SDK1: variants seen among roughly 807,000 people sequenced by gnomAD.
SDK1 encodes the protein protein sidekick-1.
SDK1 carries 157 observed loss-of-function variants against 245.5 expected under a neutral mutation model. The observed-to-expected ratio is 0.64, with a 90% CI of 0.56 to 0.73. SDK1 has a LOEUF of 0.73. Ranked by LOEUF, SDK1 falls within the 30% of genes least tolerant of loss-of-function variation. SDK1 has a pLI of 0.00. For synonymous variants in SDK1, 1,647 were observed against 1,278.5 expected (o/e 1.29, Z -6.15); for missense variants, 3,583 against 3,002.3 (o/e 1.19, Z -4.52).
chr7:4,135,308 G>A (rs1337431722), intron 28 of SDK1, among the ~76,000 whole-genome samples: 1 of 152,174 alleles, frequency 6.6e-6, no homozygotes. Flanking sequence ...TGCCAGGAGC[G>A]GGAGTTTGTG....
chr7:4,164,184 A>G (rs1447763328), intron 32 of SDK1, among the ~76,000 whole-genome samples: 1 of 152,234 alleles, frequency 6.6e-6, no homozygotes, highest in Admixed American at 6.5e-5. Context: ...GGGAACCACG[A>G]AAACAGCCTG....
chr7:3,972,997 G>A lies in SDK1; in HGVS notation c.1818-1372G>A, dbSNP rs114443008. On this transcript the variant is annotated intron_variant, in intron 12 of 44. Coordinates refer to ENST00000404826, the MANE Select transcript of SDK1 (RefSeq NM_152744.4). The stretch of plus-strand genomic sequence containing the variant: ...TAAATGATTTGGAGTATGACTTCAA[G>A]GAAGTCTGCTTTTCTGCTACTCTGA... Among the ~76,000 whole-genome samples, 574 of 152,310 alleles carry A rather than the reference G, an allele frequency of 3.8e-3. 2 individuals carry two copies. The highest frequency in any genetic ancestry group is 0.013 in the African/African-American group (547 of 41,580).
chr7:4,186,968 G>A (rs887253005), intron 35 of SDK1, among the ~76,000 whole-genome samples: 2 of 152,170 alleles, frequency 1.3e-5, no homozygotes, highest in African/African-American at 4.8e-5. Flanking sequence ...TCCTTCTGGG[G>A]GCTGCAAGTA....
At chr7:3,650,392 C>G (rs910738515) in intron 4 of SDK1, among the ~76,000 whole-genome samples, 2 of 152,208 alleles carry the variant, frequency 1.3e-5, no homozygotes, top group Non-Finnish European at 2.9e-5. Context: ...AACCACTGTT[C>G]TGCTTTCTGT....
At chr7:4,022,678 C>G (rs574386354) in intron 17 of SDK1, among the ~76,000 whole-genome samples, 113 of 152,176 alleles carry the variant, frequency 7.4e-4, no homozygotes, top group South Asian at 2.3e-3. Context: ...TTCCAGGCAA[C>G]TCCTTAAGGA....
chr7:4,111,799 T>C (rs915913896), intron 23 of SDK1, among the ~76,000 whole-genome samples: 2 of 152,258 alleles, frequency 1.3e-5, no homozygotes, highest in Non-Finnish European at 2.9e-5. Flanking sequence ...TATATGTGCA[T>C]ACTTGGGATA....
intron 5 of SDK1, among the ~76,000 whole-genome samples, chr7:3,860,678 G>T (rs921533411): frequency 1.3e-5 from 2 of 152,250 alleles, no homozygotes; most frequent in South Asian, 2.1e-4. Flanking sequence ...TTAAAATGAC[G>T]TAGCAGTCAT....
intron 5 of SDK1, among the ~76,000 whole-genome samples, chr7:3,864,748 G>A (rs781455456): frequency 4.6e-5 from 7 of 152,128 alleles, no homozygotes; most frequent in Non-Finnish European, 8.8e-5. Context: ...AATACACCCT[G>A]TTTATTGCTC....
At chr7:3,604,594 TTTC>T (rs1304831748) in intron 1 of SDK1, among the ~76,000 whole-genome samples, 2 of 140,486 alleles carry the variant, frequency 1.4e-5, no homozygotes, top group Non-Finnish European at 3.0e-5. Context: ...TTCTTTTTCT[TTTC>T]TTTTCTTTTT....
chr7:4,243,063 C>T (rs749224574), intron 43 of SDK1, among the ~76,000 whole-genome samples: 20 of 152,146 alleles, frequency 1.3e-4, no homozygotes, highest in Admixed American at 8.5e-4. Context: ...TTTTTCCTGC[C>T]GTGTAATAGA....
At chr7:4,167,208 G>T (rs1362502709) in intron 32 of SDK1, among the ~76,000 whole-genome samples, 8 of 152,128 alleles carry the variant, frequency 5.3e-5, no homozygotes, top group Admixed American at 5.2e-4. Context: ...TGGCCAACAT[G>T]GTGAAACCCC....
chr7:4,056,344 G>A (rs964520342), intron 19 of SDK1, among the ~76,000 whole-genome samples: 2 of 152,084 alleles, frequency 1.3e-5, no homozygotes, highest in South Asian at 2.1e-4. Context: ...AATGAGAGGG[G>A]CTTCAGGGGC....
chr7:4,215,814 A>T (rs1435921558), intron 38 of SDK1, among the ~76,000 whole-genome samples: 1 of 152,042 alleles, frequency 6.6e-6, no homozygotes, highest in Non-Finnish European at 1.5e-5. Context: ...TGGGGTCCTG[A>T]CTATCGGCTG....
chr7:4,116,317 T>A (rs1239078136), intron 25 of SDK1, among the ~76,000 whole-genome samples: 1 of 152,110 alleles, frequency 6.6e-6, no homozygotes, highest in Non-Finnish European at 1.5e-5. Context: ...ACACCACCCC[T>A]CCACCCTCGA....
At chr7:3,608,427 G>A (rs1399592614) in intron 1 of SDK1, among the ~76,000 whole-genome samples, 1 of 152,090 alleles carries the variant, frequency 6.6e-6, no homozygotes, top group African/African-American at 2.4e-5. Context: ...TATTTTGCAG[G>A]ATTTTCTTGA....
chr7:3,536,630 G>A (rs1354832005), intron 1 of SDK1, among the ~76,000 whole-genome samples: 1 of 151,850 alleles, frequency 6.6e-6, no homozygotes, highest in East Asian at 1.9e-4. Context: ...GGAGATGGAG[G>A]TTGCAGTAAG....
chr7:3,977,768 T>G (rs1252399066), intron 13 of SDK1, among the ~76,000 whole-genome samples: 1 of 152,256 alleles, frequency 6.6e-6, no homozygotes, highest in Non-Finnish European at 1.5e-5. Context: ...CAGAAGCACC[T>G]TGGTGGCACT....
At chr7:3,816,350 A>C (rs909132856) in intron 4 of SDK1, among the ~76,000 whole-genome samples, 2 of 149,156 alleles carry the variant, frequency 1.3e-5, no homozygotes, top group Non-Finnish European at 3.0e-5. Flanking sequence ...GACCGCTAGC[A>C]AGACTAATAA....
intron 44 of SDK1, among the ~76,000 whole-genome samples, chr7:4,251,627 A>G (rs914070651): frequency 6.6e-6 from 1 of 152,260 alleles, no homozygotes; most frequent in Non-Finnish European, 1.5e-5. Flanking sequence ...CCAGAAAGAA[A>G]GCAGGTGTTT....
Sources: gnomAD v4.1 joint callset for allele counts (sites outside exome capture counted in the v4.1 genomes callset) on GRCh38, gnomAD v4.1.1 for gene constraint, MANE v1.5 for transcripts, NCBI Gene and HGNC (gene_info 2026-07-23, HGNC 2026-07-21) for gene names.